The following SCIN variants were observed in gnomAD, a reference collection of about 807,000 sequenced individuals.
The protein encoded by SCIN is adseverin.
Under a neutral mutation model 91.8 loss-of-function variants are expected in SCIN, and 91 were observed. The observed-to-expected ratio is 0.99, with a 90% confidence interval of 0.84 to 1.18. SCIN has a LOEUF of 1.18. Ranked by LOEUF, SCIN falls within the 50% of genes most tolerant of loss-of-function variation. The probability of loss-of-function intolerance (pLI) is 0.00; values close to 1 mark genes in which losing one functional copy is unlikely to be tolerated. For synonymous variants in SCIN, 367 were observed against 312.6 expected, an observed-to-expected ratio of 1.17 and a Z score of -1.84; for missense variants, 1,087 against 863.9, an observed-to-expected ratio of 1.26 and a Z score of -3.24.
rs1784083037 is a variant in SCIN, at chr7:12,651,744, T to C, written c.1960-97T>C. ...CTAACTTCTGCGGATATTGTGAAGA[T>C]TGAATGAGCAATGTGTGTGTGAAGC... On this transcript the variant is annotated intron_variant, in intron 14 of 15. Transcript: ENST00000297029. This position sits in a 1 kb window ranked among gnomAD's most constrained non-coding sequence, Gnocchi z 5.9. 1.4e-5 allele frequency: 10 copies of C among 730,746 alleles called. No homozygotes were observed. In the South Asian group the frequency reaches 1.9e-4, roughly 14 times the overall value. The allele number at this position is 730,746 out of a possible 1,614,324, so 45.3% of individuals were successfully genotyped here. A position where few individuals can be genotyped will look rare whatever the true frequency, so the allele number is the denominator to read the frequency against.
intron 4 of SCIN, among the ~76,000 whole-genome samples, chr7:12,609,567 C>T (rs1034970244): frequency 6.6e-6 from 1 of 151,328 alleles, no homozygotes; most frequent in Non-Finnish European, 1.5e-5. Flanking sequence ...GTTTTTTAGA[C>T]TTTCATTAAG....
intron 4 of SCIN, 59 bp downstream of exon 4, chr7:12,604,722 T>TA: frequency 3.7e-6 from 5 of 1,366,852 alleles, no homozygotes; most frequent in Non-Finnish European, 4.8e-6. Context: ...TGTGTCTGTG[T>TA]GGTGTGTGTG....
intron 2 of SCIN, among the ~76,000 whole-genome samples, chr7:12,580,091 A>G (rs1318535110): frequency 6.6e-6 from 1 of 152,070 alleles, no homozygotes; most frequent in Non-Finnish European, 1.5e-5. Flanking sequence ...ACCAACTTTT[A>G]TTGGAGAACG....
Position 12,652,711 on chromosome 7 carries a change from G to T in SCIN, c.2144G>T (p.Trp715Leu), listed in dbSNP as rs1310483398. 1 of 1,601,444 alleles carries T rather than the reference G, an allele frequency of 6.2e-7. No individual in the cohort carries two copies. The highest frequency in any genetic ancestry group is 8.5e-7 in the Non-Finnish European group (1 of 1,176,170). ...TTCCTGGGCTGGGATTCCAGCAAGTGGTAAATTGGTATTTGTAAAAAGCAA... is the reference window on the plus strand; with the variant it reads ...TTCCTGGGCTGGGATTCCAGCAAGTTGTAAATTGGTATTTGTAAAAAGCAA... ...GWFLGWDSSKW is the reference protein window; with the variant it reads ...GWFLGWDSSKL The change falls in exon 16 of 16, where the codon TGG becomes TTG. Residue 715 changes from tryptophan to leucine, a missense_variant. Physicochemically the swap from Trp to Leu is moderately conservative, Grantham distance 61. Transcript: ENST00000297029.
At chr7:12,614,271 A>T (rs568516657) in intron 4 of SCIN, among the ~76,000 whole-genome samples, 1 of 152,256 alleles carries the variant, frequency 6.6e-6, no homozygotes, top group Non-Finnish European at 1.5e-5. Flanking sequence ...CATTTTCTTG[A>T]TGGCATACAA....
At chr7:12,623,781 C>A (rs906294973) in intron 5 of SCIN, among the ~76,000 whole-genome samples, 1 of 152,110 alleles carries the variant, frequency 6.6e-6, no homozygotes, top group African/African-American at 2.4e-5. Flanking sequence ...AAATTAATAA[C>A]TTGTTTAGCG....
chr7:12,640,318 T>A (rs761252455), intron 10 of SCIN, 29 bp from the exon 11 acceptor site: 6 of 1,517,278 alleles, frequency 4.0e-6, no homozygotes, highest in Non-Finnish European at 5.3e-6. Context: ...CTTAATTATA[T>A]TTCTTTTATT....
chr7:12,657,572 A>ATATATAT lies in SCIN; in HGVS notation c.*4858_*4859insATATATT, dbSNP rs1554298408. On this transcript the variant is annotated 3_prime_UTR_variant, in exon 16 of 16. Transcript: ENST00000297029. ...TATATATATATATATATATATATAT[A>ATATATAT]TTTTTTTTTTTTTTTTTTTTTTTTT... 1.4e-4 allele frequency: 3 copies of ATATATAT among 22,088 alleles called. No individual in the cohort carries two copies. Among genetic ancestry groups the ATATATAT allele is most frequent in the Non-Finnish European group, 2.6e-4 (2 of 7,722 alleles). The allele number at this position is 22,088 out of a possible 1,614,324, so 1.4% of individuals were successfully genotyped here.
At position 12,659,764 on chromosome 7, in the gene SCIN, C is replaced by G. The variant is rs958724396; in HGVS notation, c.*7049C>G. 1 of 162,614 alleles carries G rather than the reference C, an allele frequency of 6.1e-6. No individual in the cohort carries two copies. The highest frequency in any genetic ancestry group is 2.4e-5 in the African/African-American group (1 of 41,734). 10.1% of individuals were successfully genotyped at this position (162,614 alleles called of 1,614,324 possible). A position where few individuals can be genotyped will look rare whatever the true frequency, so the allele number is the denominator to read the frequency against. ...ACTGCCCTATGCAAAATAACTAGCT[C>G]CCCACTTTACACAGAGTACACCATG... On this transcript the variant is annotated 3_prime_UTR_variant, in exon 16 of 16. Coordinates refer to ENST00000297029, the MANE Select transcript of SCIN (RefSeq NM_001112706.3).
At position 12,656,243 on chromosome 7, in the gene SCIN, A is replaced by C. The variant is rs192769779; in HGVS notation, c.*3528A>C. 5.3e-5 allele frequency: 8 copies of C among 152,178 alleles called. No homozygotes were observed. The highest frequency in any genetic ancestry group is 1.2e-4 in the Non-Finnish European group (8 of 68,028). The allele number at this position is 152,178 out of a possible 1,614,324, so 9.4% of individuals were successfully genotyped here. On this transcript the variant is annotated 3_prime_UTR_variant, in exon 16 of 16. Transcript: ENST00000297029. The stretch of plus-strand genomic sequence containing the variant: ...TAACTCATTATTCAGTCATCAAGCA[A>C]TTCTTGTCCCAATCATTCTCCAAAG...
intron 6 of SCIN, 106 bp downstream of exon 6, chr7:12,625,248 T>C: frequency 9.6e-7 from 1 of 1,042,050 alleles, no homozygotes; most frequent in South Asian, 2.1e-5. Context: ...CACCTTTTAA[T>C]TAAGACATGA....
intron 3 of SCIN, among the ~76,000 whole-genome samples, chr7:12,603,966 T>C (rs1294704145): frequency 6.6e-6 from 1 of 152,112 alleles, no homozygotes; most frequent in Admixed American, 6.5e-5. Context: ...GTGATATTAC[T>C]GGGACAATAT....
intron 11 of SCIN, among the ~76,000 whole-genome samples, chr7:12,640,792 G>A (rs1282862338): frequency 6.6e-6 from 1 of 152,182 alleles, no homozygotes; most frequent in African/African-American, 2.4e-5. Flanking sequence ...AAAGCGTGAG[G>A]CTGCTTAAGC....
At chr7:12,645,037 G>A (rs1174473112) in intron 13 of SCIN, among the ~76,000 whole-genome samples, 10 of 79,390 alleles carry the variant, frequency 1.3e-4, no homozygotes, top group African/African-American at 4.1e-4. Context: ...AAAAAAAAAA[G>A]GGCCGGGCGC....
chr7:12,585,225 C>T (rs1289772612), intron 3 of SCIN, among the ~76,000 whole-genome samples: 2 of 152,122 alleles, frequency 1.3e-5, no homozygotes, highest in East Asian at 3.9e-4. Flanking sequence ...CTGGTAAATC[C>T]GGTGGACACC....
At position 12,651,328 on chromosome 7, in the gene SCIN, C is replaced by T. The variant is rs895412145; in HGVS notation, c.1960-513C>T. Among the ~76,000 whole-genome samples, 2 of 152,134 alleles carry T rather than the reference C, an allele frequency of 1.3e-5. No individual in the cohort carries two copies. The highest frequency in any genetic ancestry group is 2.4e-5 in the African/African-American group (1 of 41,412). ...TTCCCTAGATCCCGAAAAGGGAGGG[C>T]CTCAAAGAAAGTCCGGCTGCACCAC... On this transcript the variant is annotated intron_variant, in intron 14 of 15. Transcript: ENST00000297029. The surrounding 1 kb of genome is among the most constrained non-coding windows in gnomAD (Gnocchi z 5.9).
At chr7:12,634,669 A>G (rs543993451) in intron 9 of SCIN, among the ~76,000 whole-genome samples, 5 of 152,296 alleles carry the variant, frequency 3.3e-5, no homozygotes, top group South Asian at 2.1e-4. Flanking sequence ...ATAATGCTCA[A>G]TGAATGCTTT....
Position 12,622,848 on chromosome 7 carries a change from C to T in SCIN, c.714C>T (p.Asp238=). 1.2e-6 allele frequency: 2 copies of T among 1,613,026 alleles called. No homozygotes were observed. Among genetic ancestry groups the T allele is most frequent in the South Asian group, 1.1e-5 (1 of 91,044 alleles). The change falls in exon 5 of 16, where the codon GAC becomes GAT. Residue 238 remains aspartate, a synonymous_variant. Coordinates refer to ENST00000297029, the MANE Select transcript of SCIN (RefSeq NM_001112706.3). ...PELPDGGDDD[D]IIADISNRKM... is the part of the protein sequence containing the mutation. ...TTCCAGATGGAGGTGATGATGATGACATTATAGCAGACATAAGTAACAGGA... is the reference window on the plus strand; with the variant it reads ...TTCCAGATGGAGGTGATGATGATGATATTATAGCAGACATAAGTAACAGGA...
At chr7:12,574,036 C>T (rs969155300) in intron 1 of SCIN, among the ~76,000 whole-genome samples, 2 of 152,146 alleles carry the variant, frequency 1.3e-5, no homozygotes, top group Non-Finnish European at 2.9e-5. Context: ...TCAGCAATTG[C>T]ATTCATAGGT....
Sources: allele counts gnomAD v4.1 joint callset (sites outside exome capture counted in the v4.1 genomes callset), GRCh38; gene constraint gnomAD v4.1.1; non-coding constraint Gnocchi (gnomAD v3.1); transcripts MANE v1.5; gene names NCBI Gene and HGNC (gene_info 2026-07-23, HGNC 2026-07-21).